NRG2: variants seen among roughly 807,000 people sequenced by gnomAD.
The protein encoded by NRG2 is pro-neuregulin-2, membrane-bound isoform.
NRG2 carries 27 observed loss-of-function variants against 73.9 expected under a neutral mutation model. That is an observed-to-expected ratio of 0.37 (90% CI 0.27 to 0.50). The LOEUF (loss-of-function observed/expected upper bound fraction) is 0.50, where lower values mean the gene tolerates loss of function less well. Among genes scored for constraint, NRG2 ranks in the 20% least tolerant of loss-of-function variants. The pLI is 0.96. For missense variants in NRG2, 1,126 were observed against 1,210.1 expected (o/e 0.93, Z 1.03); for synonymous variants, 532 against 541.0 (o/e 0.98, Z 0.23).
chr5:140,042,251 C>G (rs914493541), intron 1 of NRG2, 119 bp downstream of exon 1: 1 of 170,090 alleles, frequency 5.9e-6, no homozygotes, highest in African/African-American at 2.5e-5. Context: ...GGCGGCCCCA[C>G]CCCCCCAGCG....
intron 1 of NRG2, among the ~76,000 whole-genome samples, chr5:139,949,728 C>G (rs1754053500): frequency 6.6e-6 from 1 of 152,214 alleles, no homozygotes; most frequent in Admixed American, 6.5e-5. Context: ...AGTCACGTTT[C>G]TAAGGTTCAC....
intron 1 of NRG2, among the ~76,000 whole-genome samples, chr5:139,893,885 T>A (rs1377234540): frequency 6.6e-6 from 1 of 152,216 alleles, no homozygotes; most frequent in Non-Finnish European, 1.5e-5. Context: ...ATGGTTGCCA[T>A]GAGTTGGGCC....
At chr5:139,997,318 C>T (rs1758098367) in intron 1 of NRG2, among the ~76,000 whole-genome samples, 1 of 152,180 alleles carries the variant, frequency 6.6e-6, no homozygotes, top group Admixed American at 6.5e-5. Flanking sequence ...AAGCTCAGCA[C>T]TCTGCCTTTG....
At chr5:139,855,564 G>A (rs952906675) in intron 6 of NRG2, 112 bp downstream of exon 6, 2 of 903,788 alleles carry the variant, frequency 2.2e-6, no homozygotes, top group Non-Finnish European at 3.6e-6. Flanking sequence ...TTGGGGCCTA[G>A]GAGGGTATAG....
chr5:140,006,125 C>T (rs1382055420), intron 1 of NRG2, among the ~76,000 whole-genome samples: 1 of 152,218 alleles, frequency 6.6e-6, no homozygotes, highest in Non-Finnish European at 1.5e-5. Flanking sequence ...AGTCTTGGGT[C>T]TCATTTCTGT....
At position 139,880,297 on chromosome 5, in the gene NRG2, G is replaced by A. The variant is rs943154339; in HGVS notation, c.991+559C>T. ...AGGCTGGGTCTGCCACTGTAGAGAC[G>A]AGAAGGTAAGAGGTGCCGTGAGGTC... On this transcript the variant is annotated intron_variant, in intron 3 of 9. Coordinates refer to ENST00000361474, the MANE Select transcript of NRG2 (RefSeq NM_004883.3). Among the ~76,000 whole-genome samples the A allele has an allele frequency of 2.6e-5, 4 of 152,270 alleles. No homozygotes were observed. In the East Asian group the frequency reaches 5.8e-4, roughly 22 times the overall value.
At chr5:139,971,868 C>A (rs1435987660) in intron 1 of NRG2, among the ~76,000 whole-genome samples, 3 of 152,132 alleles carry the variant, frequency 2.0e-5, no homozygotes, top group Non-Finnish European at 4.4e-5. Flanking sequence ...AACTAAAAAA[C>A]CCAAGGGCAT....
intron 1 of NRG2, among the ~76,000 whole-genome samples, chr5:139,938,967 G>T (rs1190471817): frequency 7.8e-6 from 1 of 128,396 alleles, no homozygotes; most frequent in South Asian, 2.8e-4. Context: ...GAAAAAAGAA[G>T]GAAGGAAGGG....
At chr5:140,013,106 C>T (rs1482799238) in intron 1 of NRG2, among the ~76,000 whole-genome samples, 1 of 152,192 alleles carries the variant, frequency 6.6e-6, no homozygotes, top group African/African-American at 2.4e-5. Context: ...GACCTTGTTT[C>T]CTACTTTACT....
intron 1 of NRG2, among the ~76,000 whole-genome samples, chr5:139,995,113 C>T (rs1182426962): frequency 6.6e-6 from 1 of 152,166 alleles, no homozygotes; most frequent in Non-Finnish European, 1.5e-5. Context: ...TAATATAGTA[C>T]TGCTGAAAGA....
chr5:139,857,970 C>T (rs552358888), intron 5 of NRG2, among the ~76,000 whole-genome samples: 1 of 152,214 alleles, frequency 6.6e-6, no homozygotes, highest in African/African-American at 2.4e-5. Flanking sequence ...TGGTCACCTT[C>T]TGACGGGTCT....
rs140199919 is a variant in NRG2 at position 139,852,371 on chromosome 5, C to T, written c.1544+61G>A. 4.2e-5 allele frequency: 67 copies of T among 1,577,660 alleles called. No homozygotes were observed. In the African/African-American group the frequency reaches 8.4e-4, roughly 20 times the overall value. On this transcript the variant is annotated intron_variant, in intron 8 of 9. Coordinates refer to ENST00000361474, the MANE Select transcript of NRG2 (RefSeq NM_004883.3). This position sits in a 1 kb window ranked among gnomAD's most constrained non-coding sequence, Gnocchi z 4.4. ...AGCTCTGGATGTCGGAGTAAGTGGG[C>T]ACTTTGCGCCAGATGAAGTATGTGA...
At chr5:139,905,999 G>A (rs1203761633) in intron 1 of NRG2, among the ~76,000 whole-genome samples, 1 of 152,074 alleles carries the variant, frequency 6.6e-6, no homozygotes, top group African/African-American at 2.4e-5. Context: ...CCATCAGAGT[G>A]AGCTTTCTTT....
At chr5:139,947,224 A>G (rs754989776) in intron 1 of NRG2, among the ~76,000 whole-genome samples, 10 of 152,188 alleles carry the variant, frequency 6.6e-5, no homozygotes, top group Non-Finnish European at 1.2e-4. Context: ...AAGTAAACCC[A>G]TACTCTTTGG....
chr5:139,986,819 T>C (rs1180308786), intron 1 of NRG2, among the ~76,000 whole-genome samples: 1 of 152,190 alleles, frequency 6.6e-6, no homozygotes, highest in Admixed American at 6.5e-5. Context: ...TTAAATTGCT[T>C]CCTGTGGCTA....
At chr5:139,962,774 C>G (rs908286099) in intron 1 of NRG2, among the ~76,000 whole-genome samples, 2 of 152,196 alleles carry the variant, frequency 1.3e-5, no homozygotes, top group Admixed American at 6.5e-5. Context: ...TGCAGTAAGT[C>G]AGCAACCAAG....
chr5:139,971,114 C>T (rs1365834599), intron 1 of NRG2, among the ~76,000 whole-genome samples: 1 of 152,104 alleles, frequency 6.6e-6, no homozygotes, highest in Non-Finnish European at 1.5e-5. Context: ...GCCTCTGGGC[C>T]ATAGTAAAGG....
chr5:139,946,243 C>T (rs1035535101), intron 1 of NRG2, among the ~76,000 whole-genome samples: 11 of 151,970 alleles, frequency 7.2e-5, no homozygotes, highest in Admixed American at 2.6e-4. Context: ...TAAGACAGTG[C>T]GGTATCAGAA....
chr5:139,866,715 T>C (rs1033540896), intron 4 of NRG2, among the ~76,000 whole-genome samples: 5 of 152,208 alleles, frequency 3.3e-5, no homozygotes, highest in African/African-American at 4.8e-5. Context: ...CTTGCCTTGC[T>C]TACAGCTCTA....
Sources: gnomAD v4.1 joint callset for allele counts (sites outside exome capture counted in the v4.1 genomes callset) on GRCh38, gnomAD v4.1.1 for gene constraint, Gnocchi (gnomAD v3.1) non-coding constraint, MANE v1.5 for transcripts, NCBI Gene and HGNC (gene_info 2026-07-23, HGNC 2026-07-21) for gene names.